Variants in EXOC4 observed in about 807,000 individuals in gnomAD.
The protein encoded by EXOC4 is SEC8-like 1.
A neutral mutation model predicts 107.2 loss-of-function variants in EXOC4; 71 were observed. That is an observed-to-expected ratio of 0.66 (90% CI 0.55 to 0.81). The LOEUF (loss-of-function observed/expected upper bound fraction) is 0.81, where lower values mean the gene tolerates loss of function less well. Among genes scored for constraint, EXOC4 ranks in the 30% least tolerant of loss-of-function variants. EXOC4 has a pLI of 0.00. For synonymous variants in EXOC4, 456 were observed against 441.2 expected, an observed-to-expected ratio of 1.03 and a Z score of -0.42; for missense variants, 1,108 against 1,189.6, an observed-to-expected ratio of 0.93 and a Z score of 1.01.
At chr7:133,707,081 G>A (rs1299323806) in intron 10 of EXOC4, among the ~76,000 whole-genome samples, 1 of 137,986 alleles carries the variant, frequency 7.2e-6, no homozygotes, top group East Asian at 2.1e-4. Context: ...TTTTTTTTTT[G>A]CCTGTTCTTC....
chr7:133,259,519 C>A (rs1357033835), intron 1 of EXOC4, among the ~76,000 whole-genome samples: 1 of 151,996 alleles, frequency 6.6e-6, no homozygotes, highest in East Asian at 1.9e-4. Context: ...GAGCCACCGT[C>A]CCCGGCCCAC....
chr7:134,098,466 T>C, the EXOC4 span, among the ~76,000 whole-genome samples: 2 of 151,948 alleles, frequency 1.3e-5, no homozygotes, highest in Non-Finnish European at 2.9e-5. Flanking sequence ...TAATCAAAAC[T>C]GCAAAATGTG....
chr7:134,086,683 T>C, the EXOC4 span, among the ~76,000 whole-genome samples: 2 of 152,170 alleles, frequency 1.3e-5, no homozygotes, highest in Non-Finnish European at 2.9e-5. Context: ...GAGAGGGTTC[T>C]TGGGTCTTGG....
chr7:133,313,928 C>G (rs938559856), intron 4 of EXOC4, among the ~76,000 whole-genome samples: 2 of 152,140 alleles, frequency 1.3e-5, no homozygotes, highest in African/African-American at 4.8e-5. Context: ...TACTGTACAT[C>G]AGCTGTCTTT....
intron 9 of EXOC4, among the ~76,000 whole-genome samples, chr7:133,514,311 C>A (rs938301879): frequency 5.3e-5 from 8 of 152,126 alleles, no homozygotes; most frequent in South Asian, 2.1e-4. Flanking sequence ...ACTACAGGCG[C>A]ATGCCACCGC....
rs1265402991 is a variant in EXOC4, at chr7:133,275,080, T to C, written c.185T>C (p.Ile62Thr). 6.2e-7 allele frequency: 1 copy of C among 1,613,768 alleles called. No individual in the cohort carries two copies. The highest frequency in any genetic ancestry group is 1.3e-5 in the African/African-American group (1 of 74,922). Residue 62 changes from isoleucine (I) to threonine (T), a missense_variant, in exon 2 of 18, where the codon ATT becomes ACT. By Grantham distance (89) the Ile-to-Thr change is moderately conservative. Transcript: ENST00000253861. ...TGTGACCGTGACCTGGATGAATTGATTGTACAGCACTACACAGAATTGACG... is the reference window on the plus strand; with the variant it reads ...TGTGACCGTGACCTGGATGAATTGACTGTACAGCACTACACAGAATTGACG... Reference protein sequence around the residue: ...EKCDRDLDELIVQHYTELTTA... With the variant: ...EKCDRDLDELTVQHYTELTTA...
intron 11 of EXOC4, among the ~76,000 whole-genome samples, chr7:133,827,526 A>T (rs567501330): frequency 6.6e-6 from 1 of 152,340 alleles, no homozygotes; most frequent in African/African-American, 2.4e-5. Context: ...ATAATAACAG[A>T]GGGACTAGAG....
chr7:134,001,262 G>A (rs1176916507), intron 15 of EXOC4, among the ~76,000 whole-genome samples: 2 of 152,078 alleles, frequency 1.3e-5, no homozygotes, highest in South Asian at 2.1e-4. Flanking sequence ...CATCAGGAGG[G>A]CTCTAAGTAG....
At chr7:134,085,625 T>C in the EXOC4 span, among the ~76,000 whole-genome samples, 1 of 152,192 alleles carries the variant, frequency 6.6e-6, no homozygotes. Flanking sequence ...TGTCACATTT[T>C]ACCTGTCTTT....
At chr7:133,509,426 T>TA (rs76217297) in intron 9 of EXOC4, among the ~76,000 whole-genome samples, 89 of 142,702 alleles carry the variant, frequency 6.2e-4, no homozygotes, top group Middle Eastern at 7.3e-3. Flanking sequence ...AGACTCCGTC[T>TA]AAAAAAAAAA....
chr7:133,291,890 A>G (rs1392547577), intron 3 of EXOC4, among the ~76,000 whole-genome samples: 2 of 152,182 alleles, frequency 1.3e-5, no homozygotes, highest in Non-Finnish European at 2.9e-5. Context: ...TATTTTGGTC[A>G]CACAGCAACT....
intron 10 of EXOC4, among the ~76,000 whole-genome samples, chr7:133,793,200 C>T (rs776410861): frequency 1.7e-4 from 26 of 152,140 alleles, no homozygotes; most frequent in Non-Finnish European, 3.1e-4. Context: ...CTCCTTTTAT[C>T]TTCATCAATA....
At chr7:133,523,397 A>G (rs1034229935) in intron 9 of EXOC4, among the ~76,000 whole-genome samples, 3 of 151,568 alleles carry the variant, frequency 2.0e-5, no homozygotes, top group Admixed American at 2.0e-4. Context: ...TGGAATACGT[A>G]TGATCTAATC....
chr7:134,087,197 C>A, the EXOC4 span, among the ~76,000 whole-genome samples: 5 of 152,090 alleles, frequency 3.3e-5, no homozygotes, highest in African/African-American at 1.2e-4. Flanking sequence ...TCTGACATTT[C>A]CCCCCTCCCT....
chr7:133,880,645 G>C (rs1397810060), intron 11 of EXOC4, among the ~76,000 whole-genome samples: 12 of 152,110 alleles, frequency 7.9e-5, no homozygotes. Context: ...CACAACTGTT[G>C]TAGACTTTTT....
At chr7:133,695,693 G>A (rs949454872) in intron 10 of EXOC4, among the ~76,000 whole-genome samples, 4 of 152,138 alleles carry the variant, frequency 2.6e-5, no homozygotes, top group Non-Finnish European at 5.9e-5. Context: ...AAATAAGTCT[G>A]TATTGATAAT....
chr7:133,993,249 C>T (rs542915098), intron 14 of EXOC4, among the ~76,000 whole-genome samples: 3 of 151,980 alleles, frequency 2.0e-5, no homozygotes, highest in South Asian at 2.1e-4. Flanking sequence ...TTGGTATCAG[C>T]GAACAATATG....
chr7:134,033,142 C>T (rs1269783152), intron 17 of EXOC4, among the ~76,000 whole-genome samples: 3 of 151,866 alleles, frequency 2.0e-5, no homozygotes, highest in Non-Finnish European at 2.9e-5. Flanking sequence ...GAATGTGCAA[C>T]GAGGACCTTG....
intron 14 of EXOC4, among the ~76,000 whole-genome samples, chr7:133,971,620 A>C (rs1217365304): frequency 6.6e-6 from 1 of 152,062 alleles, no homozygotes; most frequent in East Asian, 1.9e-4. Context: ...TTTTTAAAGG[A>C]GTAATTGCCT....
Sources: allele counts gnomAD v4.1 joint callset (sites outside exome capture counted in the v4.1 genomes callset), GRCh38; gene constraint gnomAD v4.1.1; transcripts MANE v1.5; gene names NCBI Gene and HGNC (gene_info 2026-07-23, HGNC 2026-07-21).